Variants in INPP4B observed in about 807,000 individuals in gnomAD.
The protein encoded by INPP4B is inositol polyphosphate 4-phosphatase type II.
Under a neutral mutation model 122.5 loss-of-function variants are expected in INPP4B, and 55 were observed. The ratio of observed to expected loss-of-function variants is 0.45; its 90% confidence interval spans 0.36 to 0.56. INPP4B has a LOEUF of 0.56. Among genes scored for constraint, INPP4B ranks in the 20% least tolerant of loss-of-function variants. The probability of loss-of-function intolerance (pLI) is 0.00; values close to 1 mark genes in which losing one functional copy is unlikely to be tolerated. For synonymous variants in INPP4B, 403 were observed against 388.7 expected (o/e 1.04, Z -0.43); for missense variants, 1,000 against 1,097.7 (o/e 0.91, Z 1.26).
chr4:142,096,882 T>C (rs537244596), intron 23 of INPP4B, among the ~76,000 whole-genome samples: 1 of 152,278 alleles, frequency 6.6e-6, no homozygotes, highest in South Asian at 2.1e-4. Flanking sequence ...AACATTTGAC[T>C]GGGAGTCAGA....
chr4:142,313,801 C>T (rs1309292823), intron 8 of INPP4B, among the ~76,000 whole-genome samples: 1 of 152,196 alleles, frequency 6.6e-6, no homozygotes, highest in African/African-American at 2.4e-5. Flanking sequence ...AGCAAGACAT[C>T]GCCCTTTTCC....
chr4:142,520,319 G>A (rs1825924349), intron 2 of INPP4B, among the ~76,000 whole-genome samples: 2 of 151,706 alleles, frequency 1.3e-5, no homozygotes, highest in Non-Finnish European at 2.9e-5. Flanking sequence ...GATAGACAAG[G>A]GTTAGCTATT....
intron 25 of INPP4B, among the ~76,000 whole-genome samples, chr4:142,042,684 T>A (rs1748817357): frequency 6.6e-6 from 1 of 152,138 alleles, no homozygotes; most frequent in Non-Finnish European, 1.5e-5. Flanking sequence ...TGCCTCAGCC[T>A]CCTGAGTAGC....
At chr4:142,621,101 CA>C (rs1744828162) in intron 2 of INPP4B, among the ~76,000 whole-genome samples, 1 of 151,618 alleles carries the variant, frequency 6.6e-6, no homozygotes, top group Admixed American at 6.6e-5. Context: ...TAATAAAATG[CA>C]GGACATTTTA....
intron 3 of INPP4B, among the ~76,000 whole-genome samples, chr4:142,453,130 T>C (rs1291068471): frequency 1.3e-5 from 2 of 152,144 alleles, no homozygotes; most frequent in Non-Finnish European, 2.9e-5. Flanking sequence ...CAGAAATACA[T>C]AAAGAAAATT....
chr4:142,718,329 A>C (rs2150826077), intron 2 of INPP4B, among the ~76,000 whole-genome samples: 1 of 152,338 alleles, frequency 6.6e-6, no homozygotes, highest in African/African-American at 2.4e-5. Context: ...GTGTAGTTAA[A>C]ACAGTTTGTT....
intron 25 of INPP4B, among the ~76,000 whole-genome samples, chr4:142,038,360 G>T (rs1745266754): frequency 6.6e-6 from 1 of 152,110 alleles, no homozygotes; most frequent in South Asian, 2.1e-4. Flanking sequence ...AATATATTAT[G>T]TTAATCACAG....
At chr4:142,773,085 C>A (rs1773338064) in intron 1 of INPP4B, among the ~76,000 whole-genome samples, 2 of 151,988 alleles carry the variant, frequency 1.3e-5, no homozygotes, top group Admixed American at 6.6e-5. Context: ...AAGACACAAT[C>A]TAACAGTACA....
intron 2 of INPP4B, among the ~76,000 whole-genome samples, chr4:142,591,967 A>G (rs1737598432): frequency 6.6e-6 from 1 of 152,212 alleles, no homozygotes; most frequent in Non-Finnish European, 1.5e-5. Context: ...ACAAAAAGGT[A>G]AAAACTATGA....
chr4:142,667,554 A>G (rs972469061), intron 2 of INPP4B, among the ~76,000 whole-genome samples: 2 of 152,200 alleles, frequency 1.3e-5, no homozygotes, highest in Non-Finnish European at 2.9e-5. Flanking sequence ...AAAATGAGTC[A>G]TTTAACTTCT....
intron 2 of INPP4B, among the ~76,000 whole-genome samples, chr4:142,523,035 A>G (rs1377786142): frequency 1.3e-5 from 2 of 152,134 alleles, no homozygotes; most frequent in African/African-American, 4.8e-5. Context: ...AAACTGGAGC[A>G]TCGCTTGACT....
chr4:142,087,509 AC>A (rs1343453988), intron 23 of INPP4B, among the ~76,000 whole-genome samples: 7 of 152,232 alleles, frequency 4.6e-5, no homozygotes, highest in African/African-American at 1.4e-4. Context: ...TTGGATAAGT[AC>A]TGTATAGTAT....
chr4:142,543,334 A>T (rs1231133288), intron 2 of INPP4B, among the ~76,000 whole-genome samples: 1 of 152,194 alleles, frequency 6.6e-6, no homozygotes, highest in African/African-American at 2.4e-5. Flanking sequence ...GCTACTGCAC[A>T]TTTGGTAAAT....
intron 3 of INPP4B, among the ~76,000 whole-genome samples, chr4:142,440,812 A>T (rs1405961645): frequency 6.6e-6 from 1 of 152,228 alleles, no homozygotes; most frequent in African/African-American, 2.4e-5. Flanking sequence ...AATAGTTACT[A>T]TGGTGGAACA....
chr4:142,152,208 G>A (rs181810699), intron 17 of INPP4B, among the ~76,000 whole-genome samples: 2,335 of 150,820 alleles, frequency 0.015, 69 homozygotes, highest in African/African-American at 0.054. Context: ...CGGAGTAGCT[G>A]GGACTACAGG....
At chr4:142,462,857 C>T (rs538017584) in intron 2 of INPP4B, 131 bp from the exon 3 acceptor site, 43 of 152,334 alleles carry the variant, frequency 2.8e-4, no homozygotes, top group African/African-American at 7.9e-4. Context: ...TTATCATCAT[C>T]ACAAGATTCA....
chr4:142,588,584 A>C (rs6537113), intron 2 of INPP4B, among the ~76,000 whole-genome samples: 1 of 149,556 alleles, frequency 6.7e-6, no homozygotes, highest in South Asian at 2.1e-4. Flanking sequence ...ATAATTTTTA[A>C]GTTATATAAT....
chr4:142,408,279 G>T (rs1366413078), intron 5 of INPP4B, among the ~76,000 whole-genome samples: 4 of 152,110 alleles, frequency 2.6e-5, no homozygotes, highest in Non-Finnish European at 4.4e-5. Context: ...AAGTGAATGG[G>T]TGAGGTGGCT....
chr4:142,618,957 C>T (rs1744291940), intron 2 of INPP4B, among the ~76,000 whole-genome samples: 1 of 151,920 alleles, frequency 6.6e-6, no homozygotes, highest in East Asian at 1.9e-4. Context: ...CCAAAGACCA[C>T]ATATGAAAGG....
Sources: allele counts gnomAD v4.1 joint callset (sites outside exome capture counted in the v4.1 genomes callset), GRCh38; gene constraint gnomAD v4.1.1; transcripts MANE v1.5; gene names NCBI Gene and HGNC (gene_info 2026-07-23, HGNC 2026-07-21).